The following KCNK5 variants were observed in gnomAD, a reference collection of about 807,000 sequenced individuals.
KCNK5 encodes potassium channel subfamily K member 5.
A neutral mutation model predicts 32.9 loss-of-function variants in KCNK5; 18 were observed. The observed-to-expected ratio is 0.55, with a 90% CI of 0.38 to 0.81. The LOEUF is 0.81. KCNK5 is among the 30% of genes least tolerant of loss of function. The pLI, the probability that KCNK5 is intolerant of heterozygous loss-of-function variation, is 0.00. For missense variants in KCNK5, 507 were observed against 651.0 expected, an observed-to-expected ratio of 0.78 and a Z score of 2.41; for synonymous variants, 276 against 275.3, an observed-to-expected ratio of 1.00 and a Z score of -0.03.
At chr6:39,227,116 C>CT (rs1771686870) in intron 1 of KCNK5, among the ~76,000 whole-genome samples, 1 of 151,920 alleles carries the variant, frequency 6.6e-6, no homozygotes, top group Non-Finnish European at 1.5e-5. Flanking sequence ...CCCCGCCCCC[C>CT]CCGCCGTATG....
At position 39,195,989 on chromosome 6, in the gene KCNK5, T is replaced by C. The variant is rs773699164; in HGVS notation, c.187-2A>G. The C allele has an allele frequency of 2.5e-6, 4 of 1,608,580 alleles. No individual in the cohort carries two copies. The highest frequency in any genetic ancestry group is 3.4e-6 in the Non-Finnish European group (4 of 1,176,442). ...CTGTCCTGCAGCATCAGATACCACC[T>C]AAAATGAGAAACAGTAAAGGTCAGA... On this transcript the variant is annotated splice_acceptor_variant, in intron 1 of 4. Coordinates refer to ENST00000359534, the MANE Select transcript of KCNK5 (RefSeq NM_003740.4). LOFTEE classifies it high-confidence loss of function.
chr6:39,190,892 A>C lies in KCNK5; in HGVS notation c.1498T>G (p.Ter500GlyextTer10). The C allele has an allele frequency of 6.8e-7, 1 of 1,467,058 alleles. No individual in the cohort carries two copies. The highest frequency in any genetic ancestry group is 2.4e-5 in the East Asian group (1 of 41,108). The allele number at this position is 1,467,058 out of a possible 1,614,324, so 90.9% of individuals were successfully genotyped here. A position where few individuals can be genotyped will look rare whatever the true frequency, so the allele number is the denominator to read the frequency against. The change falls in exon 5 of 5, where the codon TGA (stop) becomes GGA (glycine). Residue 500 changes from the stop codon to glycine, a stop_lost. Transcript: ENST00000359534. Reference protein sequence around the residue: ...YNKANSPKGT* With the variant: ...YNKANSPKGTG ...TGGGGTGGGGAGCCGGCCCTGCCTC[A>C]TGTGCCCTTGGGGCTGTTAGCCTTG...
chr6:39,214,923 T>C (rs1228892070), intron 1 of KCNK5, among the ~76,000 whole-genome samples: 1 of 152,204 alleles, frequency 6.6e-6, no homozygotes, highest in Non-Finnish European at 1.5e-5. Flanking sequence ...GCAGAAATGA[T>C]GTCCAGTACT....
At chr6:39,209,462 T>C (rs2113789783) in intron 1 of KCNK5, among the ~76,000 whole-genome samples, 1 of 152,314 alleles carries the variant, frequency 6.6e-6, no homozygotes, top group Admixed American at 6.5e-5. Context: ...AGAGCCATTT[T>C]GTGCTGAAGG....
intron 1 of KCNK5, among the ~76,000 whole-genome samples, chr6:39,225,882 C>G (rs1771663350): frequency 6.6e-6 from 1 of 152,138 alleles, no homozygotes; most frequent in Non-Finnish European, 1.5e-5. Flanking sequence ...TGGGCTTCAG[C>G]TTGCTTACTT....
intron 1 of KCNK5, among the ~76,000 whole-genome samples, chr6:39,207,896 C>A (rs1321246462): frequency 1.3e-5 from 2 of 152,144 alleles, no homozygotes; most frequent in Non-Finnish European, 2.9e-5. Flanking sequence ...ACTCCTACCT[C>A]CCTGGGAGGA....
At chr6:39,224,908 T>G (rs1771624483) in intron 1 of KCNK5, among the ~76,000 whole-genome samples, 1 of 151,972 alleles carries the variant, frequency 6.6e-6, no homozygotes, top group Non-Finnish European at 1.5e-5. Context: ...TCTTTAATCT[T>G]TTTTTTCTTT....
At chr6:39,216,129 A>G (rs1771431045) in intron 1 of KCNK5, among the ~76,000 whole-genome samples, 1 of 151,322 alleles carries the variant, frequency 6.6e-6, no homozygotes, top group South Asian at 2.1e-4. Context: ...CTAAAAATAC[A>G]AAAAAATTTG....
intron 1 of KCNK5, among the ~76,000 whole-genome samples, chr6:39,211,356 G>A (rs1490033984): frequency 6.6e-6 from 1 of 152,194 alleles, no homozygotes; most frequent in African/African-American, 2.4e-5. Flanking sequence ...GACTGACCTG[G>A]CAAGGCAATC....
At chr6:39,211,202 A>G (rs1771331875) in intron 1 of KCNK5, among the ~76,000 whole-genome samples, 1 of 152,166 alleles carries the variant, frequency 6.6e-6, no homozygotes, top group Non-Finnish European at 1.5e-5. Flanking sequence ...TTCCCCGCAG[A>G]GTGGGGAGGC....
intron 1 of KCNK5, among the ~76,000 whole-genome samples, chr6:39,210,770 C>A (rs1033098313): frequency 6.6e-6 from 1 of 152,192 alleles, no homozygotes; most frequent in Non-Finnish European, 1.5e-5. Context: ...GCAGAGAAAG[C>A]AGCCAACAAA....
At chr6:39,198,330 C>G (rs1771064041) in intron 1 of KCNK5, among the ~76,000 whole-genome samples, 2 of 152,282 alleles carry the variant, frequency 1.3e-5, no homozygotes, top group South Asian at 4.1e-4. Flanking sequence ...TGCTTAAGGC[C>G]TGGTTTTCTT....
At chr6:39,228,569 G>C (rs1287151420) in intron 1 of KCNK5, among the ~76,000 whole-genome samples, 1 of 152,166 alleles carries the variant, frequency 6.6e-6, no homozygotes, top group Non-Finnish European at 1.5e-5. Flanking sequence ...GACTCCGGGA[G>C]CGTCTCCAGG....
intron 1 of KCNK5, among the ~76,000 whole-genome samples, chr6:39,197,483 T>C (rs1300796958): frequency 1.3e-5 from 2 of 152,192 alleles, no homozygotes; most frequent in Non-Finnish European, 2.9e-5. Flanking sequence ...GTGGGGACCA[T>C]CGCATCAAAC....
At position 39,218,734 on chromosome 6, in the gene KCNK5, C is replaced by G. The variant is rs140795584; in HGVS notation, c.186+10192G>C. ...TGCTGGCAACACCCTGCAAATACTT[C>G]TGCTCCTTCCCCCTGGAGTGGTGCA... On this transcript the variant is annotated intron_variant, in intron 1 of 4. Coordinates refer to ENST00000359534, the MANE Select transcript of KCNK5 (RefSeq NM_003740.4). 4.5e-3 allele frequency among the ~76,000 whole-genome samples: 685 copies of G among 152,278 alleles called. 3 individuals carry two copies. Among genetic ancestry groups the G allele is most frequent in the Non-Finnish European group, 7.9e-3 (538 of 68,010 alleles).
chr6:39,207,376 T>C (rs1354862130), intron 1 of KCNK5, among the ~76,000 whole-genome samples: 3 of 152,238 alleles, frequency 2.0e-5, no homozygotes, highest in Non-Finnish European at 4.4e-5. Context: ...CTCTAGTATG[T>C]GCTCAAGTAT....
chr6:39,228,517 G>T (rs1583726391), intron 1 of KCNK5, among the ~76,000 whole-genome samples: 1 of 152,284 alleles, frequency 6.6e-6, no homozygotes, highest in African/African-American at 2.4e-5. Context: ...CCTGGAGCGG[G>T]GAGGTGGAGA....
intron 1 of KCNK5, among the ~76,000 whole-genome samples, chr6:39,209,530 T>C (rs913128531): frequency 1.3e-5 from 2 of 152,066 alleles, no homozygotes; most frequent in African/African-American, 2.4e-5. Flanking sequence ...AGGTGAGGGA[T>C]GGGGTGGGGG....
intron 1 of KCNK5, among the ~76,000 whole-genome samples, chr6:39,199,153 G>C (rs1174359661): frequency 1.3e-5 from 2 of 152,294 alleles, no homozygotes; most frequent in East Asian, 3.9e-4. Flanking sequence ...GATGCTAAAT[G>C]CCCTGCAATT....
Sources: allele counts gnomAD v4.1 joint callset (sites outside exome capture counted in the v4.1 genomes callset), GRCh38; gene constraint gnomAD v4.1.1; transcripts MANE v1.5; gene names NCBI Gene and HGNC (gene_info 2026-07-23, HGNC 2026-07-21).